LHFPL3: variants seen among roughly 807,000 people sequenced by gnomAD.
LHFPL3 encodes LHFPL tetraspan subfamily member 3 protein.
LHFPL3 carries 5 observed loss-of-function variants against 19.3 expected under a neutral mutation model. The ratio of observed to expected loss-of-function variants is 0.26; its 90% CI spans 0.14 to 0.54. LHFPL3 has a LOEUF of 0.54. LHFPL3 is among the 20% of genes least tolerant of loss of function. The pLI, the probability that LHFPL3 is intolerant of heterozygous loss-of-function variation, is 0.94. For missense variants in LHFPL3, 249 were observed against 307.4 expected (o/e 0.81, Z 1.42); for synonymous variants, 133 against 126.2 (o/e 1.05, Z -0.36).
intron 2 of LHFPL3, among the ~76,000 whole-genome samples, chr7:104,800,791 GAT>G (rs1434745012): frequency 1.3e-5 from 2 of 152,028 alleles, no homozygotes; most frequent in African/African-American, 4.8e-5. Flanking sequence ...CAGGAGTTGA[GAT>G]AGAGTTCCTA....
chr7:104,350,120 ACAGCT>A (rs1790144661), intron 1 of LHFPL3, among the ~76,000 whole-genome samples: 1 of 152,228 alleles, frequency 6.6e-6, no homozygotes, highest in African/African-American at 2.4e-5. Flanking sequence ...CCAGGATCAT[ACAGCT>A]ACAACTATCC....
At chr7:104,741,780 G>A (rs112463067) in intron 2 of LHFPL3, among the ~76,000 whole-genome samples, 62 of 152,202 alleles carry the variant, frequency 4.1e-4, no homozygotes, top group African/African-American at 1.5e-3. Context: ...CCGGTTTCAA[G>A]GGATCCTCCT....
At chr7:104,775,307 A>G (rs901076252) in intron 2 of LHFPL3, among the ~76,000 whole-genome samples, 2 of 152,126 alleles carry the variant, frequency 1.3e-5, no homozygotes, top group African/African-American at 4.8e-5. Flanking sequence ...GAGGAAGGAG[A>G]ATCACTTAAA....
chr7:104,842,832 G>C lies in LHFPL3; in HGVS notation c.683-63355G>C, dbSNP rs75145378. Among the ~76,000 whole-genome samples, 413 of 152,208 alleles carry C rather than the reference G, an allele frequency of 2.7e-3. 10 individuals carry two copies. The East Asian group carries it at 0.049, about 18-fold the overall frequency. On this transcript the variant is annotated intron_variant, in intron 2 of 2. Coordinates refer to ENST00000424859, the MANE Select transcript of LHFPL3 (RefSeq NM_199000.3). The stretch of plus-strand genomic sequence containing the variant: ...CCAATTCAACATACCTACTTTTTCT[G>C]GTTGAAAATGTCTTTGCTTCTCTAA...
At chr7:104,818,911 G>A (rs985466781) in intron 2 of LHFPL3, among the ~76,000 whole-genome samples, 3 of 151,232 alleles carry the variant, frequency 2.0e-5, no homozygotes, top group African/African-American at 4.9e-5. Context: ...TTAATCTCTG[G>A]TAGTGCCATC....
chr7:104,429,420 G>A (rs1200675163), intron 1 of LHFPL3, among the ~76,000 whole-genome samples: 4 of 144,814 alleles, frequency 2.8e-5, no homozygotes, highest in Non-Finnish European at 5.9e-5. Flanking sequence ...CGATTCTCCT[G>A]TCTCAGCCTC....
intron 1 of LHFPL3, among the ~76,000 whole-genome samples, chr7:104,331,784 T>C (rs1482754261): frequency 6.6e-6 from 1 of 151,998 alleles, no homozygotes; most frequent in Non-Finnish European, 1.5e-5. Context: ...ACTCCATCTC[T>C]ACTAAAAATA....
intron 2 of LHFPL3, among the ~76,000 whole-genome samples, chr7:104,804,306 G>A (rs1790311494): frequency 6.6e-6 from 1 of 152,188 alleles, no homozygotes; most frequent in Admixed American, 6.5e-5. Context: ...AAATGGTGGA[G>A]GGGGCTATTC....
intron 2 of LHFPL3, among the ~76,000 whole-genome samples, chr7:104,782,108 C>A (rs1794724701): frequency 1.3e-5 from 2 of 152,320 alleles, no homozygotes; most frequent in Admixed American, 1.3e-4. Flanking sequence ...TGGTATTCAG[C>A]TAATGACTGG....
At chr7:104,645,604 T>G (rs1273877643) in intron 1 of LHFPL3, among the ~76,000 whole-genome samples, 1 of 151,450 alleles carries the variant, frequency 6.6e-6, no homozygotes, top group Non-Finnish European at 1.5e-5. Flanking sequence ...TGTCTAAATC[T>G]TCATGGAAAG....
chr7:104,852,553 C>T (rs1791431518), intron 2 of LHFPL3, among the ~76,000 whole-genome samples: 1 of 152,212 alleles, frequency 6.6e-6, no homozygotes, highest in African/African-American at 2.4e-5. Context: ...TGGCAGGAAG[C>T]TCTGACTTTT....
chr7:104,556,604 G>A (rs1185100602), intron 1 of LHFPL3, among the ~76,000 whole-genome samples: 4 of 152,202 alleles, frequency 2.6e-5, no homozygotes, highest in Non-Finnish European at 4.4e-5. Flanking sequence ...CTTCTGTGAT[G>A]GGGAGGTGCT....
intron 1 of LHFPL3, among the ~76,000 whole-genome samples, chr7:104,525,679 T>C (rs1186605376): frequency 6.6e-6 from 1 of 151,352 alleles, no homozygotes; most frequent in African/African-American, 2.4e-5. Context: ...TGATCTTGGC[T>C]CACTGCAACC....
chr7:104,343,512 C>CAAAAAAAAAAAAAAAA lies in LHFPL3; in HGVS notation c.445+14312_445+14327dup, dbSNP rs536122769. 6.3e-5 allele frequency among the ~76,000 whole-genome samples: 3 copies of CAAAAAAAAAAAAAAAA among 47,474 alleles called. 1 individual carries two copies. Among genetic ancestry groups the CAAAAAAAAAAAAAAAA allele is most frequent in the Non-Finnish European group, 8.3e-5 (2 of 24,042 alleles). The allele number at this position is 47,474 out of a possible 152,430, so 31.1% of individuals were successfully genotyped here. A position where few individuals can be genotyped will look rare whatever the true frequency, so the allele number is the denominator to read the frequency against. The stretch of plus-strand genomic sequence containing the variant: ...TGGGCAACAGAGTGAGACTCTGTCT[C>CAAAAAAAAAAAAAAAA]AAAAAAAAAAAAAAAAAAAAAAAAA... On this transcript the variant is annotated intron_variant, in intron 1 of 2. Transcript: ENST00000424859.
At chr7:104,359,986 T>G (rs1455719629) in intron 1 of LHFPL3, among the ~76,000 whole-genome samples, 3 of 152,280 alleles carry the variant, frequency 2.0e-5, no homozygotes, top group Admixed American at 1.3e-4. Flanking sequence ...GTTAGTAACT[T>G]ACCCAAAGTC....
intron 1 of LHFPL3, among the ~76,000 whole-genome samples, chr7:104,445,216 T>C (rs1335678022): frequency 1.3e-5 from 2 of 152,206 alleles, no homozygotes; most frequent in South Asian, 2.1e-4. Context: ...CCTTATGTTA[T>C]GAAAACAGAT....
chr7:104,391,734 A>T (rs1018501876), intron 1 of LHFPL3, among the ~76,000 whole-genome samples: 1 of 152,202 alleles, frequency 6.6e-6, no homozygotes, highest in Admixed American at 6.5e-5. Context: ...AGTCATTGGT[A>T]GCTTGATGGG....
chr7:104,897,631 T>C (rs1792392549), intron 2 of LHFPL3, among the ~76,000 whole-genome samples: 1 of 152,164 alleles, frequency 6.6e-6, no homozygotes, highest in Admixed American at 6.5e-5. Flanking sequence ...CACTGAAACT[T>C]ACAGAGTATT....
At chr7:104,528,738 A>G (rs1387142068) in intron 1 of LHFPL3, among the ~76,000 whole-genome samples, 1 of 152,232 alleles carries the variant, frequency 6.6e-6, no homozygotes, top group Non-Finnish European at 1.5e-5. Context: ...TAAGACTTCC[A>G]TAGTAATTAA....
Sources: allele counts gnomAD v4.1 joint callset (sites outside exome capture counted in the v4.1 genomes callset), GRCh38; gene constraint gnomAD v4.1.1; transcripts MANE v1.5; gene names NCBI Gene and HGNC (gene_info 2026-07-23, HGNC 2026-07-21).